Variants in SNTG1 observed in about 807,000 individuals in gnomAD.
SNTG1 encodes syntrophin gamma 1, also known as gamma-1-syntrophin.
Under a neutral mutation model 74.7 loss-of-function variants are expected in SNTG1, and 39 were observed. The observed-to-expected ratio is 0.52, with a 90% CI of 0.40 to 0.68. The LOEUF (loss-of-function observed/expected upper bound fraction) is 0.68. Ranked by LOEUF, SNTG1 falls within the 30% of genes least tolerant of loss-of-function variation. The pLI, the probability that SNTG1 is intolerant of heterozygous loss-of-function variation, is 0.00. For missense variants in SNTG1, 685 were observed against 609.5 expected (o/e 1.12, Z -1.30); for synonymous variants, 254 against 217.1 (o/e 1.17, Z -1.49).
intron 11 of SNTG1, among the ~76,000 whole-genome samples, chr8:50,539,043 A>C (rs2094327569): frequency 6.6e-6 from 1 of 151,666 alleles, no homozygotes; most frequent in East Asian, 1.9e-4. Flanking sequence ...TCTTTTTTGA[A>C]GTTTTTAAAA....
chr8:50,772,800 G>T (rs529254476), intron 18 of SNTG1, among the ~76,000 whole-genome samples: 1 of 152,244 alleles, frequency 6.6e-6, no homozygotes, highest in Non-Finnish European at 1.5e-5. Context: ...ATTCCCTGCT[G>T]CAAAGGTGGG....
At chr8:50,489,491 C>A (rs2093830607) in intron 8 of SNTG1, among the ~76,000 whole-genome samples, 1 of 152,192 alleles carries the variant, frequency 6.6e-6, no homozygotes, top group African/African-American at 2.4e-5. Context: ...GATGATATCT[C>A]ATTGTGGTTT....
chr8:50,684,276 A>G (rs2095342849), intron 15 of SNTG1, among the ~76,000 whole-genome samples: 1 of 152,194 alleles, frequency 6.6e-6, no homozygotes, highest in Admixed American at 6.6e-5. Flanking sequence ...TTTTATTATG[A>G]TACAATTAGT....
At chr8:50,405,720 T>C (rs2092865494) in intron 4 of SNTG1, among the ~76,000 whole-genome samples, 1 of 152,130 alleles carries the variant, frequency 6.6e-6, no homozygotes, top group Non-Finnish European at 1.5e-5. Context: ...ATTGCCAAAT[T>C]CAGTGTCATG....
At chr8:50,029,779 T>G (rs1041340514) in intron 1 of SNTG1, among the ~76,000 whole-genome samples, 1 of 152,178 alleles carries the variant, frequency 6.6e-6, no homozygotes, top group Non-Finnish European at 1.5e-5. Context: ...TTCCAGATCT[T>G]GACTATTGTC....
intron 12 of SNTG1, among the ~76,000 whole-genome samples, chr8:50,587,797 C>CAAA (rs545632682): frequency 6.0e-5 from 7 of 116,788 alleles, no homozygotes; most frequent in Admixed American, 2.9e-4. Flanking sequence ...GACTTCGTCT[C>CAAA]AAAAAAAAAA....
chr8:50,074,078 A>C (rs1261855945), intron 1 of SNTG1, among the ~76,000 whole-genome samples: 1 of 151,912 alleles, frequency 6.6e-6, no homozygotes, highest in Non-Finnish European at 1.5e-5. Flanking sequence ...CTAGTTATGA[A>C]AGTCCTAGAT....
Position 50,215,466 on chromosome 8 carries a change from A to G in SNTG1, c.-28+42831A>G, listed in dbSNP as rs565266705. Among the ~76,000 whole-genome samples the G allele has an allele frequency of 1.2e-4, 17 of 141,608 alleles. No homozygotes were observed. The East Asian group carries it at 3.3e-3, about 28-fold the overall frequency. 92.9% of individuals were successfully genotyped at this position (141,608 alleles called of 152,430 possible). On this transcript the variant is annotated intron_variant, in intron 2 of 18. Transcript: ENST00000642720. ...TATATATGTAGTCTCTCTATATAAT[A>G]TATATATATAGACTATATATATATA...
At chr8:50,774,985 A>G (rs2095636539) in intron 18 of SNTG1, among the ~76,000 whole-genome samples, 1 of 150,674 alleles carries the variant, frequency 6.6e-6, no homozygotes, top group Admixed American at 6.6e-5. Flanking sequence ...ATACTTATAT[A>G]TAATTTATAT....
intron 15 of SNTG1, among the ~76,000 whole-genome samples, chr8:50,668,352 C>T (rs2095260575): frequency 6.6e-6 from 1 of 151,532 alleles, no homozygotes; most frequent in South Asian, 2.1e-4. Context: ...AAATTTGTTT[C>T]ATTGACCTAT....
chr8:50,791,017 G>C (rs2095689277), intron 18 of SNTG1, among the ~76,000 whole-genome samples: 1 of 151,866 alleles, frequency 6.6e-6, no homozygotes, highest in Non-Finnish European at 1.5e-5. Flanking sequence ...TTTTGTTGTT[G>C]TTGTTTTATT....
chr8:50,170,515 T>C (rs1299825976), intron 1 of SNTG1, among the ~76,000 whole-genome samples: 1 of 152,156 alleles, frequency 6.6e-6, no homozygotes, highest in Admixed American at 6.5e-5. Flanking sequence ...TATGTGGGGA[T>C]ACAGTAATAA....
chr8:50,765,527 T>C (rs1184234711), intron 18 of SNTG1, among the ~76,000 whole-genome samples: 2 of 151,990 alleles, frequency 1.3e-5, no homozygotes, highest in African/African-American at 4.8e-5. Flanking sequence ...CTTACATTCA[T>C]TTTATGTATG....
intron 8 of SNTG1, among the ~76,000 whole-genome samples, chr8:50,467,587 C>T (rs2093619228): frequency 6.6e-6 from 1 of 151,794 alleles, no homozygotes; most frequent in Non-Finnish European, 1.5e-5. Context: ...AAAAAACAAG[C>T]ATTATGTTTC....
intron 2 of SNTG1, among the ~76,000 whole-genome samples, chr8:50,329,853 A>G (rs1386612760): frequency 6.6e-6 from 1 of 152,096 alleles, no homozygotes; most frequent in African/African-American, 2.4e-5. Flanking sequence ...AAATTTTCCA[A>G]ACTTTTATGC....
chr8:50,287,619 C>T (rs1344759572), intron 2 of SNTG1, among the ~76,000 whole-genome samples: 1 of 152,146 alleles, frequency 6.6e-6, no homozygotes, highest in African/African-American at 2.4e-5. Flanking sequence ...CTGCTTCAGT[C>T]ATAGTTTAGG....
intron 12 of SNTG1, among the ~76,000 whole-genome samples, chr8:50,561,287 C>A (rs1366176623): frequency 2.6e-5 from 4 of 152,088 alleles, no homozygotes; most frequent in South Asian, 2.1e-4. Flanking sequence ...TGAGGCCTCC[C>A]CAGCCATGAG....
At chr8:50,362,650 G>A (rs1351538159) in intron 2 of SNTG1, among the ~76,000 whole-genome samples, 1 of 151,758 alleles carries the variant, frequency 6.6e-6, no homozygotes, top group East Asian at 1.9e-4. Context: ...CTAGAATTTA[G>A]TATTCTCTTT....
intron 2 of SNTG1, among the ~76,000 whole-genome samples, chr8:50,321,096 C>A (rs1448599890): frequency 1.3e-5 from 2 of 152,060 alleles, no homozygotes; most frequent in African/African-American, 4.8e-5. Context: ...TGCTGACTTT[C>A]TGTCTGAATA....
Sources: gnomAD v4.1 joint callset for allele counts (sites outside exome capture counted in the v4.1 genomes callset) on GRCh38, gnomAD v4.1.1 for gene constraint, MANE v1.5 for transcripts, NCBI Gene and HGNC (gene_info 2026-07-23, HGNC 2026-07-21) for gene names.